HS6ST3: variants seen among roughly 807,000 people sequenced by gnomAD.
The protein encoded by HS6ST3 is heparan sulfate 6-O-sulfotransferase 3.
Under a neutral mutation model 36.7 loss-of-function variants are expected in HS6ST3, and 12 were observed. The observed-to-expected ratio is 0.33, with a 90% CI of 0.21 to 0.53. HS6ST3 has a LOEUF of 0.53. Ranked by LOEUF, HS6ST3 falls within the 20% of genes least tolerant of loss-of-function variation. The probability of loss-of-function intolerance (pLI) is 0.95; values close to 1 mark genes in which losing one functional copy is unlikely to be tolerated. For synonymous variants in HS6ST3, 240 were observed against 257.5 expected, an observed-to-expected ratio of 0.93 and a Z score of 0.65; for missense variants, 584 against 640.9, an observed-to-expected ratio of 0.91 and a Z score of 0.96.
intron 1 of HS6ST3, among the ~76,000 whole-genome samples, chr13:96,376,227 T>C (rs2055314059): frequency 6.6e-6 from 1 of 152,178 alleles, no homozygotes; most frequent in African/African-American, 2.4e-5. Context: ...AGTTTATCTT[T>C]TATAGAACAA....
At chr13:96,702,342 C>T (rs942598952) in intron 1 of HS6ST3, among the ~76,000 whole-genome samples, 2 of 152,198 alleles carry the variant, frequency 1.3e-5, no homozygotes, top group African/African-American at 4.8e-5. Flanking sequence ...TCTCTGGGGC[C>T]TTTCACGCAA....
chr13:96,333,402 G>T (rs1043699870), intron 1 of HS6ST3, among the ~76,000 whole-genome samples: 1 of 152,136 alleles, frequency 6.6e-6, no homozygotes, highest in Admixed American at 6.5e-5. Context: ...TTTTTAGAGA[G>T]GACTGCTGTT....
At chr13:96,154,320 A>G (rs1195471580) in intron 1 of HS6ST3, among the ~76,000 whole-genome samples, 1 of 152,138 alleles carries the variant, frequency 6.6e-6, no homozygotes, top group Non-Finnish European at 1.5e-5. Flanking sequence ...GGCATGCTGT[A>G]TTTAAAGAAA....
intron 1 of HS6ST3, among the ~76,000 whole-genome samples, chr13:96,474,096 G>A (rs563391099): frequency 2.9e-5 from 4 of 139,986 alleles, no homozygotes; most frequent in Non-Finnish European, 4.5e-5. Flanking sequence ...AGAGGAAAAT[G>A]GCCCATTTTT....
intron 1 of HS6ST3, among the ~76,000 whole-genome samples, chr13:96,269,784 A>G (rs2054710735): frequency 6.6e-6 from 1 of 152,046 alleles, no homozygotes; most frequent in Non-Finnish European, 1.5e-5. Flanking sequence ...GATGATAAGC[A>G]GGATGATCTG....
chr13:96,212,837 T>C (rs2054405484), intron 1 of HS6ST3, among the ~76,000 whole-genome samples: 1 of 152,182 alleles, frequency 6.6e-6, no homozygotes, highest in Admixed American at 6.5e-5. Flanking sequence ...TTATCATACA[T>C]GGCAGACTCT....
At chr13:96,795,886 T>A (rs1877897616) in intron 1 of HS6ST3, among the ~76,000 whole-genome samples, 1 of 152,134 alleles carries the variant, frequency 6.6e-6, no homozygotes. Context: ...TGGTTTGAGA[T>A]GAAGCCGAGT....
Position 96,618,273 on chromosome 13 carries a change from T to A in HS6ST3, c.708-214217T>A, listed in dbSNP as rs574956421. On this transcript the variant is annotated intron_variant, in intron 1 of 1. Coordinates refer to ENST00000376705, the MANE Select transcript of HS6ST3 (RefSeq NM_153456.4). ...ACCACCACACCTGGATAATTTTAAA[T>A]TTTTTTTTGTAAAGACAGGGTCTTG... 2.7e-3 allele frequency among the ~76,000 whole-genome samples: 403 copies of A among 151,804 alleles called. 1 individual carries two copies. The highest frequency in any genetic ancestry group is 9.2e-3 in the African/African-American group (381 of 41,432).
intron 1 of HS6ST3, among the ~76,000 whole-genome samples, chr13:96,651,099 G>A (rs1037633799): frequency 2.0e-5 from 3 of 151,904 alleles, no homozygotes; most frequent in Middle Eastern, 3.4e-3. Flanking sequence ...TAGAATTCAA[G>A]GTTTACTTCT....
intron 1 of HS6ST3, among the ~76,000 whole-genome samples, chr13:96,627,394 T>C (rs1223661074): frequency 6.6e-6 from 1 of 152,056 alleles, no homozygotes; most frequent in Admixed American, 6.5e-5. Context: ...TGAGCGTCTT[T>C]TTAATACCAT....
At chr13:96,727,484 C>T (rs1876035282) in intron 1 of HS6ST3, among the ~76,000 whole-genome samples, 1 of 152,058 alleles carries the variant, frequency 6.6e-6, no homozygotes, top group African/African-American at 2.4e-5. Context: ...GCTTTGCATC[C>T]CTTTTCTCCT....
intron 1 of HS6ST3, among the ~76,000 whole-genome samples, chr13:96,180,802 A>G (rs906915409): frequency 5.9e-5 from 9 of 152,222 alleles, no homozygotes; most frequent in Non-Finnish European, 1.3e-4. Flanking sequence ...CCAAGTGGTG[A>G]GTCTGAGATT....
intron 1 of HS6ST3, among the ~76,000 whole-genome samples, chr13:96,214,697 A>G (rs2054415493): frequency 6.6e-6 from 1 of 152,214 alleles, no homozygotes. Flanking sequence ...ACATGTAACC[A>G]TATCGTAACC....
chr13:96,763,966 G>A (rs1456809642), intron 1 of HS6ST3, among the ~76,000 whole-genome samples: 1 of 152,156 alleles, frequency 6.6e-6, no homozygotes, highest in Non-Finnish European at 1.5e-5. Flanking sequence ...AATGTGGTGT[G>A]CAGAAAAATA....
chr13:96,830,220 A>C (rs9556630), intron 1 of HS6ST3, among the ~76,000 whole-genome samples: 1 of 151,978 alleles, frequency 6.6e-6, no homozygotes, highest in African/African-American at 2.4e-5. Context: ...TGGTAGATTA[A>C]GTGTACTCAA....
chr13:96,131,561 A>G (rs2053975799), intron 1 of HS6ST3, among the ~76,000 whole-genome samples: 1 of 152,188 alleles, frequency 6.6e-6, no homozygotes, highest in African/African-American at 2.4e-5. Flanking sequence ...TGTAGTGAGA[A>G]TGCCTAAAAT....
intron 1 of HS6ST3, among the ~76,000 whole-genome samples, chr13:96,484,422 A>G (rs766824358): frequency 6.6e-6 from 1 of 152,156 alleles, no homozygotes; most frequent in East Asian, 1.9e-4. Flanking sequence ...ATTGTTAACT[A>G]TATTCACTAT....
chr13:96,578,752 G>A (rs960915205), intron 1 of HS6ST3, among the ~76,000 whole-genome samples: 31 of 152,078 alleles, frequency 2.0e-4, no homozygotes, highest in East Asian at 9.7e-4. Context: ...TAGAGATGGC[G>A]TTTCACTATG....
rs1036786046 is a variant in HS6ST3 at position 96,771,250 on chromosome 13, G to A, written c.708-61240G>A. Among the ~76,000 whole-genome samples the A allele has an allele frequency of 7.5e-4, 101 of 135,436 alleles. 2 individuals carry two copies. Among genetic ancestry groups the A allele is most frequent in the African/African-American group, 2.7e-3 (97 of 36,104 alleles). The allele number at this position is 135,436 out of a possible 152,430, so 88.9% of individuals were successfully genotyped here. ...AACACTTGGACACAGGAAGGGGAAC[G>A]TCACACACCGGGGCCTGTTGTGGGG... On this transcript the variant is annotated intron_variant, in intron 1 of 1. Transcript: ENST00000376705.
Sources: allele counts gnomAD v4.1 joint callset (sites outside exome capture counted in the v4.1 genomes callset), GRCh38; gene constraint gnomAD v4.1.1; transcripts MANE v1.5; gene names NCBI Gene and HGNC (gene_info 2026-07-23, HGNC 2026-07-21).